The following KDM5C variants were observed in gnomAD, a reference collection of about 807,000 sequenced individuals.
The protein encoded by KDM5C is lysine demethylase 5C, also known as lysine-specific demethylase 5C.
In KDM5C, 16 loss-of-function variants were observed where a neutral mutation model predicts 110.6. The ratio of observed to expected loss-of-function variants is 0.14; its 90% CI spans 0.10 to 0.22. The LOEUF (loss-of-function observed/expected upper bound fraction) is 0.22. KDM5C is among the 10% of genes least tolerant of loss of function. KDM5C has a pLI of 1.00. For synonymous variants in KDM5C, 511 were observed against 520.4 expected, an observed-to-expected ratio of 0.98 and a Z score of 0.24; for missense variants, 681 against 1,300.9, an observed-to-expected ratio of 0.52 and a Z score of 7.33.
At chrX:53,204,036 C>A (rs782623520) in intron 12 of KDM5C, among the ~76,000 whole-genome samples, 1 of 111,394 alleles carries the variant, frequency 9.0e-6, no homozygotes, top group South Asian at 3.7e-4. Flanking sequence ...AGCCACTGCA[C>A]CGCACTGGCC....
At chrX:53,216,560 G>A (rs894798976) in intron 5 of KDM5C, among the ~76,000 whole-genome samples, 17 of 112,081 alleles carry the variant, frequency 1.5e-4, no homozygotes, top group African/African-American at 4.2e-4. Context: ...TACATGCTTC[G>A]ATGAGCCCAG....
downstream of KDM5C, chrX:53,191,805 T>C (rs1934437997): frequency 5.7e-6 from 1 of 174,577 alleles, no homozygotes; most frequent in African/African-American, 2.9e-5. Context: ...TTCAAACAAG[T>C]GAATTTTATA....
At chrX:53,218,668 T>C in intron 2 of KDM5C, 1 of 432,214 alleles carries the variant, frequency 2.3e-6, no homozygotes, top group South Asian at 2.6e-5. Context: ...CTTGACCTCC[T>C]GGGCTCAAGT....
At chrX:53,185,389 G>A (rs1934187463) in intron 25 of KDM5C, among the ~76,000 whole-genome samples, 1 of 112,347 alleles carries the variant, frequency 8.9e-6, no homozygotes, top group East Asian at 2.8e-4. Context: ...CTAAGCCTCT[G>A]AATCATCACT....
Position 53,197,052 on chromosome X carries a change from G to GACACAGGATGAAGA in KDM5C, c.2623-22_2623-9dup. ...CACCTGTTCCAGAACACCCTACCAG[G>GACACAGGATGAAGA]ACACAGGATGAAGAACAAACTCCTC... On this transcript the variant is annotated splice_polypyrimidine_tract_variant and intron_variant, in intron 18 of 25. Coordinates refer to ENST00000375401, the MANE Select transcript of KDM5C (RefSeq NM_004187.5). The GACACAGGATGAAGA allele has an allele frequency of 8.6e-7, 1 of 1,163,498 alleles. No homozygotes were observed. The highest frequency in any genetic ancestry group is 1.2e-6 in the Non-Finnish European group (1 of 861,150).
chrX:53,212,635 G>C (rs2073607402), intron 8 of KDM5C: 2 of 111,421 alleles, frequency 1.8e-5, no homozygotes, highest in African/African-American at 6.6e-5. Context: ...GGTGCTTAGA[G>C]AAGGTTTTTT....
In KDM5C at chrX:53,225,129, C is replaced by A. The variant is rs41308616; in HGVS notation, c.-240G>T. The A allele has an allele frequency of 2.7e-6, 1 of 368,032 alleles. No individual in the cohort carries two copies. The highest frequency in any genetic ancestry group is 5.1e-5 in the Admixed American group (1 of 19,544). 30.3% of individuals were successfully genotyped at this position (368,032 alleles called of 1,213,427 possible). ...CTTCCAAACTGTGTGGTTGCCTCCC[C>A]ACTACCGCAGCCTTCGCCACCACAG... On this transcript the variant is annotated 5_prime_UTR_variant, in exon 1 of 26. Coordinates refer to ENST00000375401, the MANE Select transcript of KDM5C (RefSeq NM_004187.5).
At chrX:53,222,950 G>A (rs1320243468) in intron 1 of KDM5C, among the ~76,000 whole-genome samples, 1 of 111,680 alleles carries the variant, frequency 9.0e-6, no homozygotes, top group Non-Finnish European at 1.9e-5. Flanking sequence ...ACCAGAAGAA[G>A]GCCAGCTGCC....
Position 53,210,740 on chromosome X carries a change from C to T in KDM5C, c.1519G>A (p.Val507Ile), listed in dbSNP as rs782322957. 1 of 1,211,594 alleles carries T rather than the reference C, an allele frequency of 8.3e-7. No individual in the cohort carries two copies. The highest frequency in any genetic ancestry group is 2.2e-5 in the Admixed American group (1 of 46,039). The part of the protein sequence containing the change: ...MKVPWLYVGM[V>I]FSAFCWHIED... ...ATATGCCAGCAAAAGGCTGAGAAGA[C>T]CATGCCCACGTAGAGCCAGGGCACC... The change falls in exon 11 of 26, where the codon GTC (valine) becomes ATC (isoleucine). Residue 507 changes from valine to isoleucine, a missense_variant. Around this residue, in one of 14 missense-constraint regions of KDM5C, gnomAD observed 41 missense variants for 205.9 expected, o/e 0.20. Coordinates refer to ENST00000375401, the MANE Select transcript of KDM5C (RefSeq NM_004187.5).
rs889366554 is a variant in KDM5C, at chrX:53,197,176, G to C, written c.2623-132C>G. 43 of 505,623 alleles carry C rather than the reference G, an allele frequency of 8.5e-5. No homozygotes were observed. The African/African-American group carries it at 9.8e-4, about 11-fold the overall frequency. The allele number at this position is 505,623 out of a possible 1,213,427, so 41.7% of individuals were successfully genotyped here. A position where few individuals can be genotyped will look rare whatever the true frequency, so the allele number is the denominator to read the frequency against. ...GGGGCAAAGGAGCCTAACATGGGCTGAGCTCTCCTTCTCCAAGCCCTAAGA... is the reference window on the plus strand; with the variant it reads ...GGGGCAAAGGAGCCTAACATGGGCTCAGCTCTCCTTCTCCAAGCCCTAAGA... On this transcript the variant is annotated intron_variant, in intron 18 of 25. Transcript: ENST00000375401.
chrX:53,182,089 T>G (rs1263225193), intron 25 of KDM5C, among the ~76,000 whole-genome samples: 2 of 106,198 alleles, frequency 1.9e-5, no homozygotes, highest in Non-Finnish European at 3.9e-5. Flanking sequence ...TTTTTTGTTT[T>G]TTTTTTTTTT....
Position 53,224,811 on chromosome X carries a change from G to T in KDM5C, c.79C>A (p.Pro27Thr). 8.3e-7 allele frequency: 1 copy of T among 1,211,489 alleles called. No homozygotes were observed. ...CTGATTTTCGCGATGTAGCCAAGAG[G>T]GTCTCGGAACTCGGCCCAGCTAGGC... ...FEPSWAEFRD[P>T]LGYIAKIRPI... is the part of the protein sequence containing the mutation. Residue 27 changes from proline (P) to threonine (T), a missense_variant, in exon 1 of 26, where the codon CCT (proline) becomes ACT (threonine). Physicochemically the swap from Pro to Thr is conservative, Grantham distance 38. Coordinates refer to ENST00000375401, the MANE Select transcript of KDM5C (RefSeq NM_004187.5).
At chrX:53,218,132 T>A in intron 3 of KDM5C, 144 bp downstream of exon 3, 1 of 876,116 alleles carries the variant, frequency 1.1e-6, no homozygotes, top group Non-Finnish European at 1.6e-6. Flanking sequence ...GATTCCAAGA[T>A]GTTCTGATGA....
chrX:53,214,378 CT>C (rs2073680872), intron 8 of KDM5C: 1 of 267,203 alleles, frequency 3.7e-6, no homozygotes, highest in African/African-American at 2.7e-5. Flanking sequence ...GATTATTACC[CT>C]TAGCTATTTT....
At chrX:53,193,701 A>C in intron 24 of KDM5C, 65 bp from the exon 25 acceptor site, 1 of 1,179,922 alleles carries the variant, frequency 8.5e-7, no homozygotes, top group Non-Finnish European at 1.2e-6. Context: ...CCACTACAAC[A>C]GAGCTGAGGA....
At chrX:53,183,222 T>C (rs782768006) in intron 25 of KDM5C, among the ~76,000 whole-genome samples, 1 of 98,405 alleles carries the variant, frequency 1.0e-5, no homozygotes, top group African/African-American at 3.8e-5. Flanking sequence ...GCCCAGGAGT[T>C]TGAGGCCAGT....
At chrX:53,209,232 A>C (rs2073483048) in intron 12 of KDM5C, among the ~76,000 whole-genome samples, 1 of 111,101 alleles carries the variant, frequency 9.0e-6, no homozygotes, top group Non-Finnish European at 1.9e-5. Flanking sequence ...CTTGTAAAGC[A>C]GCAGAACTCA....
chrX:53,188,656 T>C (rs1455010812), downstream of KDM5C, among the ~76,000 whole-genome samples: 2 of 111,540 alleles, frequency 1.8e-5, no homozygotes, highest in African/African-American at 6.5e-5. Flanking sequence ...ATTACAGGTG[T>C]GAGCCACTGT....
chrX:53,219,199 C>A (rs2073832588), intron 2 of KDM5C, among the ~76,000 whole-genome samples: 1 of 112,436 alleles, frequency 8.9e-6, no homozygotes, highest in South Asian at 3.7e-4. Context: ...AGGAAAATAA[C>A]TGCACAGTCC....
Sources: gnomAD v4.1 joint callset for allele counts (sites outside exome capture counted in the v4.1 genomes callset) on GRCh38, gnomAD v4.1.1 for gene constraint, gnomAD v4.1.1 regional missense constraint, MANE v1.5 for transcripts, NCBI Gene and HGNC (gene_info 2026-07-23, HGNC 2026-07-21) for gene names.